CDH12: variants seen among roughly 807,000 people sequenced by gnomAD.
CDH12 encodes the protein cadherin-12.
CDH12 carries 41 observed loss-of-function variants against 74.1 expected under a neutral mutation model. That is an observed-to-expected ratio of 0.55 (90% CI 0.43 to 0.72). The LOEUF is 0.72. Ranked by LOEUF, CDH12 falls within the 30% of genes least tolerant of loss-of-function variation. The pLI, the probability that CDH12 is intolerant of heterozygous loss-of-function variation, is 0.00. For synonymous variants in CDH12, 399 were observed against 355.0 expected (o/e 1.12, Z -1.39); for missense variants, 945 against 977.2 (o/e 0.97, Z 0.44).
In CDH12 at chr5:22,106,708, C is replaced by T. The variant is rs182448769; in HGVS notation, c.-186-27846G>A. 5.6e-4 allele frequency among the ~76,000 whole-genome samples: 86 copies of T among 152,308 alleles called. No individual in the cohort carries two copies. The Middle Eastern group carries it at 0.01, about 18-fold the overall frequency. ...CCCTAGCTGGGAAAACGTCCAAGAA[C>T]TCCTCATGCTTCAGAAAAGAATATC... On this transcript the variant is annotated intron_variant, in intron 4 of 14. Coordinates refer to ENST00000382254, the MANE Select transcript of CDH12 (RefSeq NM_004061.5).
intron 6 of CDH12, among the ~76,000 whole-genome samples, chr5:21,870,628 T>A (rs551507987): frequency 6.6e-6 from 1 of 152,304 alleles, no homozygotes; most frequent in Non-Finnish European, 1.5e-5. Context: ...CAATAAGATC[T>A]GCTTTGTTCT....
rs370895380 is a variant in CDH12, at chr5:22,301,567, T to C, written c.-332-88924A>G. On this transcript the variant is annotated intron_variant, in intron 3 of 14. Coordinates refer to ENST00000382254, the MANE Select transcript of CDH12 (RefSeq NM_004061.5). ...TTCAGTGAAACATAGAGATTTTGACTCCCAATTTTATAATAATGGAAATTT... is the reference window on the plus strand; with the variant it reads ...TTCAGTGAAACATAGAGATTTTGACCCCCAATTTTATAATAATGGAAATTT... Among the ~76,000 whole-genome samples the C allele has an allele frequency of 5.3e-4, 81 of 152,278 alleles. No individual in the cohort carries two copies. The East Asian group carries it at 0.013, about 25-fold the overall frequency.
chr5:21,880,488 T>TCCC (rs1561267678), intron 6 of CDH12, among the ~76,000 whole-genome samples: 3 of 45,520 alleles, frequency 6.6e-5, no homozygotes, highest in Non-Finnish European at 1.4e-4. Context: ...CCTTCCTTCC[T>TCCC]TCCTTCCTTC....
intron 5 of CDH12, among the ~76,000 whole-genome samples, chr5:22,008,388 C>A (rs1460285268): frequency 6.6e-6 from 1 of 151,980 alleles, no homozygotes; most frequent in Non-Finnish European, 1.5e-5. Flanking sequence ...CACCACCACG[C>A]CTGGCTAATT....
chr5:22,675,535 G>T (rs1481526996), intron 1 of CDH12, among the ~76,000 whole-genome samples: 1 of 152,142 alleles, frequency 6.6e-6, no homozygotes, highest in African/African-American at 2.4e-5. Context: ...TGAGACTTTG[G>T]ACTGTGGACT....
rs191256195 is a variant in CDH12 at position 22,830,660 on chromosome 5, C to T, written c.-523+22398G>A. 3.9e-3 allele frequency among the ~76,000 whole-genome samples: 596 copies of T among 151,476 alleles called. 1 individual carries two copies. Among genetic ancestry groups the T allele is most frequent in the Non-Finnish European group, 6.6e-3 (446 of 67,760 alleles). On this transcript the variant is annotated intron_variant, in intron 1 of 14. Coordinates refer to ENST00000382254, the MANE Select transcript of CDH12 (RefSeq NM_004061.5). ...TTCTGTTTCTAATTATTTTCTGATTCCTAGAAAGAGATAATGTATCATTTT... is the reference window on the plus strand; with the variant it reads ...TTCTGTTTCTAATTATTTTCTGATTTCTAGAAAGAGATAATGTATCATTTT...
chr5:22,555,332 T>C (rs1156644867), intron 1 of CDH12, among the ~76,000 whole-genome samples: 4 of 152,064 alleles, frequency 2.6e-5, no homozygotes, highest in African/African-American at 9.6e-5. Flanking sequence ...AACTCAATAC[T>C]TCCAAACTGA....
rs1229700726 is a variant in CDH12, at chr5:21,975,375, T to C, written c.242A>G (p.Asp81Gly). ...EPQYVGKLHS[D>G]LDKGEGTVKY... is the part of the protein sequence containing the mutation. Reference sequence around the variant, plus strand: ...CACAGTGCCCTCTCCCTTGTCTAAGTCGGAATGGAGCTTTAGGGAAGAGAA... The same window carrying C: ...CACAGTGCCCTCTCCCTTGTCTAAGCCGGAATGGAGCTTTAGGGAAGAGAA... Residue 81 changes from aspartate to glycine, a missense_variant, in exon 6 of 15, where the codon GAC becomes GGC. Physicochemically the swap from Asp to Gly is moderately conservative, Grantham distance 94. This residue lies in a region of CDH12 where 148 missense variants were observed against 162.8 expected (regional missense o/e 0.91). Transcript: ENST00000382254. The C allele has an allele frequency of 6.9e-6, 11 of 1,591,162 alleles. No homozygotes were observed. The highest frequency in any genetic ancestry group is 3.4e-5 in the Admixed American group (2 of 58,762).
intron 2 of CDH12, among the ~76,000 whole-genome samples, chr5:22,504,501 C>T (rs944244016): frequency 3.3e-5 from 5 of 152,074 alleles, no homozygotes; most frequent in Non-Finnish European, 7.4e-5. Context: ...TCAACCTTGT[C>T]TTTCTGAGTT....
At chr5:22,491,034 G>A (rs531790797) in intron 2 of CDH12, among the ~76,000 whole-genome samples, 1 of 152,140 alleles carries the variant, frequency 6.6e-6, no homozygotes. Flanking sequence ...TTGCAGGTTT[G>A]TTGCATAGGT....
intron 3 of CDH12, among the ~76,000 whole-genome samples, chr5:22,317,216 G>T (rs1738671118): frequency 6.6e-6 from 1 of 152,066 alleles, no homozygotes; most frequent in South Asian, 2.1e-4. Context: ...TACTCGGGAG[G>T]CTGACACAGG....
At chr5:22,730,483 A>T (rs1337701973) in intron 1 of CDH12, among the ~76,000 whole-genome samples, 1 of 151,890 alleles carries the variant, frequency 6.6e-6, no homozygotes, top group Non-Finnish European at 1.5e-5. Flanking sequence ...TATTCAGCAG[A>T]TATCATTGCA....
intron 4 of CDH12, among the ~76,000 whole-genome samples, chr5:22,154,735 T>C (rs1747913851): frequency 6.6e-6 from 1 of 152,014 alleles, no homozygotes; most frequent in Non-Finnish European, 1.5e-5. Flanking sequence ...TGAACTTCCT[T>C]AATCCACATA....
At chr5:22,595,950 T>A (rs1437421129) in intron 1 of CDH12, among the ~76,000 whole-genome samples, 4 of 148,904 alleles carry the variant, frequency 2.7e-5, no homozygotes, top group South Asian at 2.1e-4. Flanking sequence ...ATAAAAAAAA[T>A]TAAAAAAATT....
At chr5:22,039,299 G>A (rs1446115654) in intron 5 of CDH12, among the ~76,000 whole-genome samples, 1 of 151,964 alleles carries the variant, frequency 6.6e-6, no homozygotes, top group Non-Finnish European at 1.5e-5. Flanking sequence ...TGGTACCCAG[G>A]GGCAAAGTCA....
chr5:22,654,104 C>T (rs944043949), intron 1 of CDH12, among the ~76,000 whole-genome samples: 51 of 149,204 alleles, frequency 3.4e-4, no homozygotes, highest in Admixed American at 1.4e-3. Flanking sequence ...TCCTTCCTTC[C>T]TTCCCTGTCC....
intron 2 of CDH12, among the ~76,000 whole-genome samples, chr5:22,471,384 C>T (rs1265654429): frequency 6.6e-6 from 1 of 152,174 alleles, no homozygotes; most frequent in Non-Finnish European, 1.5e-5. Flanking sequence ...CTCTGTCCTA[C>T]TCAAACACTC....
At chr5:22,226,472 C>T (rs1376780304) in intron 3 of CDH12, among the ~76,000 whole-genome samples, 1 of 151,542 alleles carries the variant, frequency 6.6e-6, no homozygotes, top group African/African-American at 2.4e-5. Flanking sequence ...CTGGTACTAT[C>T]TGAGAGAGAC....
At chr5:22,360,183 G>C (rs1740738402) in intron 3 of CDH12, among the ~76,000 whole-genome samples, 1 of 151,940 alleles carries the variant, frequency 6.6e-6, no homozygotes, top group Admixed American at 6.6e-5. Context: ...TAGACCACTA[G>C]CAAGACTAAT....
Sources: allele counts gnomAD v4.1 joint callset (sites outside exome capture counted in the v4.1 genomes callset), GRCh38; gene constraint gnomAD v4.1.1; regional missense constraint gnomAD v4.1.1; transcripts MANE v1.5; gene names NCBI Gene and HGNC (gene_info 2026-07-23, HGNC 2026-07-21).